Variants in PLEKHM1 observed in about 807,000 individuals in gnomAD.
PLEKHM1 encodes the protein pleckstrin homology domain-containing family M member 1.
PLEKHM1 carries 28 observed loss-of-function variants against 94.3 expected under a neutral mutation model. That is an observed-to-expected ratio of 0.30 (90% CI 0.22 to 0.41). The LOEUF is 0.41. Among genes scored for constraint, PLEKHM1 ranks in the 10% least tolerant of loss-of-function variants. The probability of loss-of-function intolerance (pLI) is 1.00; values close to 1 mark genes in which losing one functional copy is unlikely to be tolerated. For synonymous variants in PLEKHM1, 424 were observed against 581.2 expected, an observed-to-expected ratio of 0.73 and a Z score of 3.89; for missense variants, 907 against 1,358.6, an observed-to-expected ratio of 0.67 and a Z score of 5.22.
intron 4 of PLEKHM1, among the ~76,000 whole-genome samples, chr17:45,474,026 T>C (rs1030687753): frequency 6.6e-6 from 1 of 151,628 alleles, no homozygotes; most frequent in African/African-American, 2.4e-5. Context: ...CATAAAAAGA[T>C]TATCTATGCA....
rs1471628320 is a variant in PLEKHM1 at position 45,437,343 on chromosome 17, C to G, written c.*515G>C. ...CCTGCCCACCAGCCACCCGCTACCTCTAAGCCAGGCCTGAGTGGCTCCTGT... is the reference window on the plus strand; with the variant it reads ...CCTGCCCACCAGCCACCCGCTACCTGTAAGCCAGGCCTGAGTGGCTCCTGT... On this transcript the variant is annotated 3_prime_UTR_variant, in exon 12 of 12. Transcript: ENST00000430334. The surrounding 1 kb of genome is among the most constrained non-coding windows in gnomAD (Gnocchi z 4.0). 1 of 454,220 alleles carries G rather than the reference C, an allele frequency of 2.2e-6. No homozygotes were observed. Among genetic ancestry groups the G allele is most frequent in the South Asian group, 1.6e-5 (1 of 64,482 alleles). 28.1% of individuals were successfully genotyped at this position (454,220 alleles called of 1,614,324 possible). A position where few individuals can be genotyped will look rare whatever the true frequency, so the allele number is the denominator to read the frequency against.
In PLEKHM1 at chr17:45,436,280, T is replaced by A; in HGVS notation, c.*1578A>T. ...TGTGGTGGAGCGTTAATGTGGGCCA[T>A]GGCGGTGCATAACCCAGCTCCTGGC... On this transcript the variant is annotated 3_prime_UTR_variant, in exon 12 of 12. Transcript: ENST00000430334. 2.2e-6 allele frequency: 1 copy of A among 454,192 alleles called. No individual in the cohort carries two copies. Among genetic ancestry groups the A allele is most frequent in the Non-Finnish European group, 4.4e-6 (1 of 226,820 alleles). 28.1% of individuals were successfully genotyped at this position (454,192 alleles called of 1,614,324 possible).
intron 8 of PLEKHM1, among the ~76,000 whole-genome samples, chr17:45,449,797 TCCACCTAGCCACCTGCTCAG>T (rs2050717460): frequency 6.7e-6 from 1 of 149,416 alleles, no homozygotes; most frequent in Non-Finnish European, 1.5e-5. Context: ...TACCTACCCA[TCCACCTAGCCACCTGCTCAG>T]CCACCTACCT....
At chr17:45,455,133 A>G (rs142857292) in intron 6 of PLEKHM1, among the ~76,000 whole-genome samples, 13 of 152,296 alleles carry the variant, frequency 8.5e-5, no homozygotes, top group African/African-American at 2.4e-4. Flanking sequence ...CCGTCTCAAC[A>G]AAACAAAAAA....
chr17:45,486,398 C>T (rs1184991663), intron 1 of PLEKHM1, among the ~76,000 whole-genome samples: 4 of 150,994 alleles, frequency 2.6e-5, no homozygotes, highest in South Asian at 2.1e-4. Context: ...CTGGCTAACA[C>T]GGTGAAACCC....
intron 11 of PLEKHM1, among the ~76,000 whole-genome samples, chr17:45,439,227 G>A (rs1364764990): frequency 2.0e-5 from 3 of 152,250 alleles, no homozygotes; most frequent in Non-Finnish European, 2.9e-5. Flanking sequence ...TTTAGGAAGA[G>A]AGATGGTTCC....
At chr17:45,455,921 G>C (rs371028276) in intron 6 of PLEKHM1, among the ~76,000 whole-genome samples, 10 of 152,144 alleles carry the variant, frequency 6.6e-5, no homozygotes, top group African/African-American at 9.7e-5. Context: ...TGGCCCACAG[G>C]CCTCGTCAGA....
Position 45,454,254 on chromosome 17 carries a change from C to T in PLEKHM1, c.1598G>A (p.Arg533Gln), listed in dbSNP as rs2684502. The change falls in exon 7 of 12, where the codon CGG becomes CAG. Residue 533 changes from arginine to glutamine, a missense_variant. By Grantham distance (43) the Arg-to-Gln change is conservative (BLOSUM62 1). This residue lies in a region of PLEKHM1 where 477 missense variants were observed against 601.5 expected (regional missense o/e 0.79). Coordinates refer to ENST00000430334, the MANE Select transcript of PLEKHM1 (RefSeq NM_014798.3). ...RRQMGLSNPF[R>Q]GLMKLGTVER... ...CACGGTGCCCAGCTTCATGAGACCC[C>T]GGAATGGGTTGGACAGTCCTGGAGG... The T allele has an allele frequency of 2.1e-5, 33 of 1,607,774 alleles. No individual in the cohort carries two copies. The highest frequency in any genetic ancestry group is 1.7e-4 in the Middle Eastern group (1 of 6,060).
At chr17:45,443,449 T>C (rs1466049543) in intron 9 of PLEKHM1, among the ~76,000 whole-genome samples, 2 of 152,232 alleles carry the variant, frequency 1.3e-5, no homozygotes, top group Non-Finnish European at 2.9e-5. Context: ...CCCTGCCCCA[T>C]GCTGTTTCCA....
chr17:45,488,190 T>G (rs1252401458), intron 1 of PLEKHM1, among the ~76,000 whole-genome samples: 1 of 152,200 alleles, frequency 6.6e-6, no homozygotes, highest in Non-Finnish European at 1.5e-5. Context: ...ACTAGCTATC[T>G]TTCTTTCCTC....
intron 9 of PLEKHM1, 200 bp from the exon 10 acceptor site, chr17:45,440,426 GCA>G (rs1425747696): frequency 6.1e-6 from 4 of 652,934 alleles, no homozygotes; most frequent in Non-Finnish European, 1.1e-5. Flanking sequence ...GGGACCTTGG[GCA>G]CGTTACTTAA....
chr17:45,468,969 T>C lies in PLEKHM1; in HGVS notation c.924-376A>G, dbSNP rs942946821. On this transcript the variant is annotated intron_variant, in intron 4 of 11. Transcript: ENST00000430334. ...GTGTGGGCAATCGTTTCCCCAAACA[T>C]GGTATGCAGCAGAGCCTCCTCCTCC... is the stretch of plus-strand genomic sequence containing the variant. Among the ~76,000 whole-genome samples the C allele has an allele frequency of 7.3e-5, 11 of 150,998 alleles. 1 individual carries two copies. Among genetic ancestry groups the C allele is most frequent in the African/African-American group, 2.7e-4 (11 of 41,286 alleles).
At chr17:45,470,553 C>T (rs1393849377) in intron 4 of PLEKHM1, among the ~76,000 whole-genome samples, 2 of 152,052 alleles carry the variant, frequency 1.3e-5, no homozygotes, top group South Asian at 2.1e-4. Context: ...CACTTGAACC[C>T]GGGACGGGGA....
rs193035712 is a variant in PLEKHM1, at chr17:45,445,583, C to G, written c.2724G>C (p.Leu908=). 2 of 1,613,790 alleles carry G rather than the reference C, an allele frequency of 1.2e-6. No homozygotes were observed. Among genetic ancestry groups the G allele is most frequent in the Non-Finnish European group, 1.7e-6 (2 of 1,179,864 alleles). The change falls in exon 9 of 12, where the codon CTG becomes CTC. Residue 908 remains leucine (L), a synonymous_variant. Transcript: ENST00000430334. This position sits in a 1 kb window ranked among gnomAD's most constrained non-coding sequence, Gnocchi z 4.2. ...GGTGCATCCGCTCCACATGCTCGTA[C>G]AGAGACGCGTTCACCATCTGCAGGT... ...LINLQMVNAS[L]YEHVERMHLI...
At chr17:45,470,033 C>T (rs1369194924) in intron 4 of PLEKHM1, among the ~76,000 whole-genome samples, 1 of 151,918 alleles carries the variant, frequency 6.6e-6, no homozygotes, top group Non-Finnish European at 1.5e-5. Context: ...GATTGTGCCA[C>T]TGCAATCCAG....
chr17:45,490,354 G>C (rs1469423931), intron 1 of PLEKHM1, among the ~76,000 whole-genome samples: 1 of 152,102 alleles, frequency 6.6e-6, no homozygotes, highest in African/African-American at 2.4e-5. Context: ...GTTGGAACTG[G>C]GGTAAAGTGG....
At chr17:45,466,888 A>G (rs570241621) in intron 5 of PLEKHM1, among the ~76,000 whole-genome samples, 21 of 152,304 alleles carry the variant, frequency 1.4e-4, no homozygotes, top group African/African-American at 4.8e-4. Context: ...CCAGGTATAT[A>G]TACCCACAGA....
At chr17:45,440,283 G>C (rs2050406902) in intron 9 of PLEKHM1, 57 bp from the exon 10 acceptor site, 3 of 1,559,820 alleles carry the variant, frequency 1.9e-6, no homozygotes, top group Admixed American at 1.7e-5. Context: ...AGGCTAGCCT[G>C]TGTTGTTTGT....
intron 5 of PLEKHM1, chr17:45,460,242 C>T (rs999047980): frequency 2.6e-5 from 4 of 152,200 alleles, no homozygotes; most frequent in Admixed American, 2.6e-4. Flanking sequence ...GCCTCCAGAA[C>T]GATCAGAGAA....
Sources: gnomAD v4.1 joint callset for allele counts (sites outside exome capture counted in the v4.1 genomes callset) on GRCh38, gnomAD v4.1.1 for gene constraint, gnomAD v4.1.1 regional missense constraint, Gnocchi (gnomAD v3.1) non-coding constraint, MANE v1.5 for transcripts, NCBI Gene and HGNC (gene_info 2026-07-23, HGNC 2026-07-21) for gene names.